Variants in WWOX observed in about 807,000 individuals in gnomAD.
The protein encoded by WWOX is WW domain-containing oxidoreductase.
A neutral mutation model predicts 46.2 loss-of-function variants in WWOX; 69 were observed. The ratio of observed to expected loss-of-function variants is 1.49; its 90% confidence interval spans 1.23 to 1.82. The LOEUF (loss-of-function observed/expected upper bound fraction) is 1.82, where lower values mean the gene tolerates loss of function less well. Among genes scored for constraint, WWOX ranks in the 40% most tolerant of loss-of-function variants. WWOX has a pLI of 0.00. For missense variants in WWOX, 919 were observed against 542.6 expected, an observed-to-expected ratio of 1.69 and a Z score of -6.89; for synonymous variants, 359 against 202.6, an observed-to-expected ratio of 1.77 and a Z score of -6.56.
At chr16:78,742,230 T>G (rs1338847325) in intron 8 of WWOX, among the ~76,000 whole-genome samples, 1 of 152,190 alleles carries the variant, frequency 6.6e-6, no homozygotes, top group Non-Finnish European at 1.5e-5. Flanking sequence ...GCTCAAAACT[T>G]ATTTTTACTG....
intron 8 of WWOX, among the ~76,000 whole-genome samples, chr16:78,831,951 C>G (rs759224706): frequency 6.6e-6 from 1 of 152,168 alleles, no homozygotes; most frequent in African/African-American, 2.4e-5. Flanking sequence ...TGATAACTAC[C>G]TGTGTTGCTC....
At position 78,933,224 on chromosome 16, in the gene WWOX, A is replaced by G. The variant is rs1159728795; in HGVS notation, c.1057-278384A>G. Reference sequence around the variant, plus strand: ...CAGGCCAAGGCGGGTGGATCACCTAAGGTCAGGAGTTCGAGACCAGCCTGA... The same window carrying G: ...CAGGCCAAGGCGGGTGGATCACCTAGGGTCAGGAGTTCGAGACCAGCCTGA... On this transcript the variant is annotated intron_variant, in intron 8 of 8. Transcript: ENST00000566780. Among the ~76,000 whole-genome samples the G allele has an allele frequency of 7.2e-5, 11 of 152,360 alleles. No individual in the cohort carries two copies. The East Asian group carries it at 2.1e-3, about 29-fold the overall frequency.
chr16:78,157,616 A>G (rs2034651342), intron 4 of WWOX, among the ~76,000 whole-genome samples: 1 of 152,224 alleles, frequency 6.6e-6, no homozygotes. Flanking sequence ...TTAGGTAATA[A>G]GTAAGTATTT....
At chr16:78,155,659 TAGTTCAATTTAAACATTGTCATAA>T (rs1196562065) in intron 4 of WWOX, among the ~76,000 whole-genome samples, 5 of 152,242 alleles carry the variant, frequency 3.3e-5, no homozygotes, top group Non-Finnish European at 7.3e-5. Flanking sequence ...GCAGTTAAGC[TAGTTCAATTTAAACATTGTCATAA>T]AGTTAATTTT....
At chr16:78,703,019 A>G (rs911920196) in intron 8 of WWOX, among the ~76,000 whole-genome samples, 2 of 152,178 alleles carry the variant, frequency 1.3e-5, no homozygotes, top group African/African-American at 4.8e-5. Context: ...AAATTGATCT[A>G]AAAAGTAATT....
chr16:79,078,348 C>CT (rs1291191362), intron 8 of WWOX: 2 of 152,174 alleles, frequency 1.3e-5, no homozygotes, highest in South Asian at 2.1e-4. Context: ...AGGCAGGCAT[C>CT]ACAGGGCTGC....
At chr16:78,742,520 C>T (rs1346173345) in intron 8 of WWOX, among the ~76,000 whole-genome samples, 1 of 152,190 alleles carries the variant, frequency 6.6e-6, no homozygotes, top group South Asian at 2.1e-4. Context: ...GTACTAGGTG[C>T]CCTAGAAATG....
At chr16:78,802,929 A>AC (rs2050929847) in intron 8 of WWOX, among the ~76,000 whole-genome samples, 1 of 111,446 alleles carries the variant, frequency 9.0e-6, no homozygotes. Context: ...AAAAAAAAAA[A>AC]AAAAAAAAAA....
At position 78,425,560 on chromosome 16, in the gene WWOX, T is replaced by C. The variant is rs868090017; in HGVS notation, c.791+505T>C. ...ATTAGAAATCTGGCCGTGCCTCTTT[T>C]GGTTAAAATTTCAATTAAAACATCA... On this transcript the variant is annotated intron_variant, in intron 7 of 8. Transcript: ENST00000566780. Among the ~76,000 whole-genome samples, 6 of 152,342 alleles carry C rather than the reference T, an allele frequency of 3.9e-5. No homozygotes were observed. In the South Asian group the frequency reaches 1.0e-3, roughly 26 times the overall value.
chr16:78,785,845 C>T (rs753058754), intron 8 of WWOX, among the ~76,000 whole-genome samples: 1 of 152,118 alleles, frequency 6.6e-6, no homozygotes, highest in Non-Finnish European at 1.5e-5. Flanking sequence ...TTTTTTTCTG[C>T]TACTCATAAT....
intron 5 of WWOX, among the ~76,000 whole-genome samples, chr16:78,341,956 G>GGA (rs1567512826): frequency 8.8e-6 from 1 of 113,044 alleles, no homozygotes; most frequent in African/African-American, 3.0e-5. Context: ...TCTCTACTTG[G>GGA]AAAAAAAAAA....
chr16:78,668,910 G>A (rs1391029030), intron 8 of WWOX, among the ~76,000 whole-genome samples: 2 of 152,090 alleles, frequency 1.3e-5, no homozygotes, highest in Admixed American at 6.6e-5. Flanking sequence ...TCCACATAGG[G>A]TATGCGAACC....
At position 78,350,432 on chromosome 16, in the gene WWOX, T is replaced by G. The variant is rs2081163622; in HGVS notation, c.517-36428T>G. Among the ~76,000 whole-genome samples the G allele has an allele frequency of 1.7e-5, 2 of 120,948 alleles. 1 individual carries two copies. Among genetic ancestry groups the G allele is most frequent in the Admixed American group, 1.6e-4 (2 of 12,402 alleles). 79.3% of individuals were successfully genotyped at this position (120,948 alleles called of 152,430 possible). ...AAAAAGAAACCCTTGACTGGCATCC[T>G]TTTCCCCACTTCCTTTTCTCTCCAC... On this transcript the variant is annotated intron_variant, in intron 5 of 8. Transcript: ENST00000566780.
In WWOX at chr16:79,148,096, A is replaced by G. The variant is rs183077069; in HGVS notation, c.1057-63512A>G. Among the ~76,000 whole-genome samples, 277 of 152,218 alleles carry G rather than the reference A, an allele frequency of 1.8e-3. 1 individual carries two copies. The highest frequency in any genetic ancestry group is 5.6e-4 in the Non-Finnish European group (38 of 68,004). Reference sequence around the variant, plus strand: ...AGTTTTAATGAGGTCCAATTTATCAATTTTTCCTTTCATCAACTGAGCTTT... The same window carrying G: ...AGTTTTAATGAGGTCCAATTTATCAGTTTTTCCTTTCATCAACTGAGCTTT... On this transcript the variant is annotated intron_variant, in intron 8 of 8. Transcript: ENST00000566780.
chr16:78,443,271 C>T (rs1027373809), intron 8 of WWOX, among the ~76,000 whole-genome samples: 6 of 151,846 alleles, frequency 4.0e-5, no homozygotes, highest in African/African-American at 1.2e-4. Context: ...CATCACTGCA[C>T]TCCAGCCTGG....
At chr16:78,716,578 C>A (rs2048567324) in intron 8 of WWOX, among the ~76,000 whole-genome samples, 1 of 152,068 alleles carries the variant, frequency 6.6e-6, no homozygotes. Flanking sequence ...TCTTCCCAGC[C>A]CCTGCCAGGC....
chr16:78,643,226 C>G (rs1159974675), intron 8 of WWOX, among the ~76,000 whole-genome samples: 1 of 152,170 alleles, frequency 6.6e-6, no homozygotes, highest in Non-Finnish European at 1.5e-5. Flanking sequence ...AAAAAGGACA[C>G]GTATGCCTAG....
chr16:78,568,186 A>C (rs1267690134), intron 8 of WWOX, among the ~76,000 whole-genome samples: 1 of 152,160 alleles, frequency 6.6e-6, no homozygotes, highest in Non-Finnish European at 1.5e-5. Flanking sequence ...TCATCCTCTG[A>C]AAAACTCTTC....
At chr16:78,243,855 C>T (rs2037735187) in intron 5 of WWOX, among the ~76,000 whole-genome samples, 1 of 152,142 alleles carries the variant, frequency 6.6e-6, no homozygotes, top group South Asian at 2.1e-4. Context: ...CCTATTGTTC[C>T]CTTCTTTATG....
Sources: allele counts gnomAD v4.1 joint callset (sites outside exome capture counted in the v4.1 genomes callset), GRCh38; gene constraint gnomAD v4.1.1; transcripts MANE v1.5; gene names NCBI Gene and HGNC (gene_info 2026-07-23, HGNC 2026-07-21).